FHIT: variants seen among roughly 807,000 people sequenced by gnomAD.
The protein encoded by FHIT is fragile histidine triad diadenosine triphosphatase.
Under a neutral mutation model 17.9 loss-of-function variants are expected in FHIT, and 19 were observed. The ratio of observed to expected loss-of-function variants is 1.06; its 90% CI spans 0.74 to 1.56. The LOEUF (loss-of-function observed/expected upper bound fraction) is 1.56. Ranked by LOEUF, FHIT falls within the 40% of genes most tolerant of loss-of-function variation. The probability of loss-of-function intolerance (pLI) is 0.00; values close to 1 mark genes in which losing one functional copy is unlikely to be tolerated. For missense variants in FHIT, 248 were observed against 189.2 expected (o/e 1.31, Z -1.82); for synonymous variants, 81 against 69.7 (o/e 1.16, Z -0.81).
intron 5 of FHIT, among the ~76,000 whole-genome samples, chr3:60,406,810 T>A (rs986823225): frequency 1.8e-4 from 27 of 152,244 alleles, no homozygotes; most frequent in African/African-American, 5.3e-4. Context: ...AGTTCAGATG[T>A]GTCGTAGCCA....
At chr3:61,004,349 G>A (rs961506258) in intron 3 of FHIT, among the ~76,000 whole-genome samples, 1 of 152,100 alleles carries the variant, frequency 6.6e-6, no homozygotes, top group African/African-American at 2.4e-5. Context: ...AAAGTTGCCC[G>A]GTTTCTCCTC....
intron 2 of FHIT, among the ~76,000 whole-genome samples, chr3:61,163,477 C>T (rs1466218497): frequency 3.3e-5 from 5 of 152,158 alleles, no homozygotes; most frequent in African/African-American, 4.8e-5. Context: ...CAAAATATGG[C>T]ATGTCGGCAT....
At chr3:61,010,565 C>T (rs1231456403) in intron 3 of FHIT, among the ~76,000 whole-genome samples, 1 of 152,178 alleles carries the variant, frequency 6.6e-6, no homozygotes, top group East Asian at 1.9e-4. Context: ...GACTAAACAA[C>T]CAACAGGGAT....
At chr3:60,708,921 C>T (rs1294216679) in intron 4 of FHIT, among the ~76,000 whole-genome samples, 1 of 152,174 alleles carries the variant, frequency 6.6e-6, no homozygotes, top group Non-Finnish European at 1.5e-5. Context: ...ACTTCTTCAA[C>T]CACAAATTAT....
chr3:59,921,723 T>C (rs1559732720), intron 8 of FHIT, among the ~76,000 whole-genome samples: 1 of 152,236 alleles, frequency 6.6e-6, no homozygotes, highest in South Asian at 2.1e-4. Flanking sequence ...CATCTGAAAG[T>C]TCTCATGTAG....
rs538665957 is a variant in FHIT, at chr3:59,825,501, C to T, written c.349-73180G>A. On this transcript the variant is annotated intron_variant, in intron 8 of 9. Transcript: ENST00000492590. ...TCACTTCACTTTTGGCCTCAGAGGACGAGAGAGAAGCTGAGAACATTAGCC... is the reference window on the plus strand; with the variant it reads ...TCACTTCACTTTTGGCCTCAGAGGATGAGAGAGAAGCTGAGAACATTAGCC... Among the ~76,000 whole-genome samples the T allele has an allele frequency of 5.3e-5, 8 of 152,220 alleles. No individual in the cohort carries two copies. In the East Asian group the frequency reaches 7.7e-4, roughly 15 times the overall value.
At chr3:59,848,730 G>C (rs1282404095) in intron 8 of FHIT, among the ~76,000 whole-genome samples, 10 of 152,160 alleles carry the variant, frequency 6.6e-5, no homozygotes, top group Non-Finnish European at 5.9e-5. Context: ...CTGGCACTTA[G>C]ATTGTCTGAG....
At chr3:60,566,700 C>T (rs994243126) in intron 4 of FHIT, among the ~76,000 whole-genome samples, 1 of 152,098 alleles carries the variant, frequency 6.6e-6, no homozygotes, top group African/African-American at 2.4e-5. Context: ...GATTGTATAT[C>T]TAGAAAACCC....
At chr3:60,559,283 A>T (rs1003627521) in intron 4 of FHIT, among the ~76,000 whole-genome samples, 9 of 152,224 alleles carry the variant, frequency 5.9e-5, no homozygotes, top group African/African-American at 2.2e-4. Context: ...ATGCATTTCT[A>T]TAAAATTCAG....
chr3:60,014,330 T>C (rs981271132), intron 5 of FHIT, among the ~76,000 whole-genome samples, 178 bp from the exon 6 acceptor site: 5 of 152,302 alleles, frequency 3.3e-5, no homozygotes, highest in East Asian at 3.9e-4. Context: ...AGAGCTCCCA[T>C]ACATGGATAA....
At chr3:61,251,276 C>T (rs532544556) in intron 1 of FHIT, 25 bp downstream of exon 1, 1 of 152,536 alleles carries the variant, frequency 6.6e-6, no homozygotes, top group Non-Finnish European at 1.5e-5. Flanking sequence ...CAGTATTCCA[C>T]TTGGGCTTGC....
At chr3:61,212,404 G>GCA in intron 1 of FHIT, among the ~76,000 whole-genome samples, 2 of 152,208 alleles carry the variant, frequency 1.3e-5, no homozygotes, top group African/African-American at 2.4e-5. Context: ...GGGTATCAAT[G>GCA]ATGGAAGATG....
intron 4 of FHIT, among the ~76,000 whole-genome samples, chr3:60,804,266 A>G (rs533720325): frequency 2.0e-4 from 31 of 152,188 alleles, no homozygotes; most frequent in Non-Finnish European, 3.8e-4. Context: ...TATAGGAGGC[A>G]GGGGCTCTGC....
chr3:60,494,139 A>AC (rs1423433644), intron 5 of FHIT, among the ~76,000 whole-genome samples: 5 of 152,186 alleles, frequency 3.3e-5, no homozygotes, highest in Non-Finnish European at 5.9e-5. Context: ...TGCAACTTTC[A>AC]CCATATCTGT....
chr3:59,749,384 T>G lies in FHIT; in HGVS notation c.*201A>C, dbSNP rs1363662759. The G allele has an allele frequency of 4.3e-6, 1 of 231,656 alleles. No individual in the cohort carries two copies. Among genetic ancestry groups the G allele is most frequent in the Non-Finnish European group, 8.5e-6 (1 of 117,176 alleles). 14.4% of individuals were successfully genotyped at this position (231,656 alleles called of 1,614,324 possible). A position where few individuals can be genotyped will look rare whatever the true frequency, so the allele number is the denominator to read the frequency against. ...GGGGGAAACCTCAAATCTGCCTGTCTGAGCCGTTTAGGTCTAGGTATTTTA... is the reference window on the plus strand; with the variant it reads ...GGGGGAAACCTCAAATCTGCCTGTCGGAGCCGTTTAGGTCTAGGTATTTTA... On this transcript the variant is annotated 3_prime_UTR_variant, in exon 10 of 10. Transcript: ENST00000492590.
intron 4 of FHIT, among the ~76,000 whole-genome samples, chr3:60,702,503 A>G (rs553023732): frequency 1.3e-5 from 2 of 151,734 alleles, no homozygotes; most frequent in South Asian, 4.2e-4. Flanking sequence ...TAAGGATTTT[A>G]TATTTTTTGT....
intron 5 of FHIT, among the ~76,000 whole-genome samples, chr3:60,146,110 C>T (rs1015880842): frequency 2.0e-5 from 3 of 152,040 alleles, no homozygotes; most frequent in Admixed American, 1.3e-4. Context: ...CTTACAATTG[C>T]ATGTGGCAAA....
In FHIT at chr3:59,786,764, T is replaced by G. The variant is rs187275593; in HGVS notation, c.349-34443A>C. Among the ~76,000 whole-genome samples the G allele has an allele frequency of 1.2e-3, 177 of 152,356 alleles. 1 individual carries two copies. Among genetic ancestry groups the G allele is most frequent in the Middle Eastern group, 3.4e-3 (1 of 294 alleles). On this transcript the variant is annotated intron_variant, in intron 8 of 9. Coordinates refer to ENST00000492590, the MANE Select transcript of FHIT (RefSeq NM_002012.4). Reference sequence around the variant, plus strand: ...ACTGCCATGTTTACTCAACACACAATTTTTACTAATACAGTCTCCCCATGT... The same window carrying G: ...ACTGCCATGTTTACTCAACACACAAGTTTTACTAATACAGTCTCCCCATGT...
intron 4 of FHIT, among the ~76,000 whole-genome samples, chr3:60,618,890 A>G (rs149949174): frequency 6.6e-6 from 1 of 152,280 alleles, no homozygotes; most frequent in East Asian, 1.9e-4. Context: ...CCATAAGCCA[A>G]AGAATGCAGG....
Sources: allele counts gnomAD v4.1 joint callset (sites outside exome capture counted in the v4.1 genomes callset), GRCh38; gene constraint gnomAD v4.1.1; transcripts MANE v1.5; gene names NCBI Gene and HGNC (gene_info 2026-07-23, HGNC 2026-07-21).